The following ABCA12 variants were observed in gnomAD, a reference collection of about 807,000 sequenced individuals.
ABCA12 encodes glucosylceramide transporter ABCA12.
Under a neutral mutation model 293.5 loss-of-function variants are expected in ABCA12, and 156 were observed. The observed-to-expected ratio is 0.53, with a 90% CI of 0.47 to 0.61. The LOEUF (loss-of-function observed/expected upper bound fraction) is 0.61. ABCA12 is among the 20% of genes least tolerant of loss of function. The probability of loss-of-function intolerance (pLI) is 0.00; values close to 1 mark genes in which losing one functional copy is unlikely to be tolerated. For missense variants in ABCA12, 2,797 were observed against 3,090.2 expected, an observed-to-expected ratio of 0.91 and a Z score of 2.25; for synonymous variants, 1,063 against 1,108.0, an observed-to-expected ratio of 0.96 and a Z score of 0.81.
At chr2:215,029,613 C>A (rs1391894643) in intron 9 of ABCA12, among the ~76,000 whole-genome samples, 1 of 152,004 alleles carries the variant, frequency 6.6e-6, no homozygotes, top group African/African-American at 2.4e-5. Flanking sequence ...TAGAATTGAC[C>A]TTGATAAGGC....
intron 2 of ABCA12, among the ~76,000 whole-genome samples, chr2:215,083,486 G>T (rs1377501682): frequency 6.6e-6 from 1 of 152,140 alleles, no homozygotes; most frequent in African/African-American, 2.4e-5. Context: ...AGCATTGATT[G>T]CATTTGGGTA....
intron 2 of ABCA12, among the ~76,000 whole-genome samples, chr2:215,107,704 CA>C (rs1702491586): frequency 6.6e-6 from 1 of 152,178 alleles, no homozygotes; most frequent in South Asian, 2.1e-4. Context: ...TCCTTTACGT[CA>C]CTAATTATAT....
rs551370212 is a variant in ABCA12 at position 215,070,898 on chromosome 2, C to T, written c.164-6679G>A. On this transcript the variant is annotated intron_variant, in intron 2 of 52. Coordinates refer to ENST00000272895, the MANE Select transcript of ABCA12 (RefSeq NM_173076.3). ...AGACATTGGTTAAAAAATAAACCTT[C>T]GGCTAGGAGCAGAGGCTCACACCTA... Among the ~76,000 whole-genome samples, 6 of 152,122 alleles carry T rather than the reference C, an allele frequency of 3.9e-5. No individual in the cohort carries two copies. In the South Asian group the frequency reaches 6.2e-4, roughly 16 times the overall value.
At chr2:214,977,668 G>C (rs914027556) in intron 33 of ABCA12, among the ~76,000 whole-genome samples, 1 of 152,080 alleles carries the variant, frequency 6.6e-6, no homozygotes, top group South Asian at 2.1e-4. Flanking sequence ...CCACAAAGTC[G>C]TGTCAAGCAA....
intron 39 of ABCA12, among the ~76,000 whole-genome samples, chr2:214,964,993 T>C (rs992934442): frequency 6.6e-6 from 1 of 152,078 alleles, no homozygotes; most frequent in Non-Finnish European, 1.5e-5. Flanking sequence ...AAGGCTATAG[T>C]AATCAAAAAA....
chr2:215,075,917 C>T (rs980008988), intron 2 of ABCA12, among the ~76,000 whole-genome samples: 2 of 152,186 alleles, frequency 1.3e-5, no homozygotes, highest in African/African-American at 2.4e-5. Flanking sequence ...TTAGTCACTT[C>T]TTTAATTCAA....
At chr2:215,002,666 T>C (rs1359833040) in intron 20 of ABCA12, among the ~76,000 whole-genome samples, 1 of 152,144 alleles carries the variant, frequency 6.6e-6, no homozygotes, top group Non-Finnish European at 1.5e-5. Flanking sequence ...GATGTAGATG[T>C]TGGTGGGGGA....
intron 1 of ABCA12, among the ~76,000 whole-genome samples, chr2:215,126,330 G>T (rs981737818): frequency 1.3e-5 from 2 of 151,944 alleles, no homozygotes; most frequent in African/African-American, 4.8e-5. Flanking sequence ...AGGGGGTGGG[G>T]GTTCCTTCTT....
rs1249669507 is a variant in ABCA12, at chr2:215,031,903, T to G, written c.986-7A>C. On this transcript the variant is annotated splice_region_variant and splice_polypyrimidine_tract_variant and intron_variant, in intron 8 of 52. Coordinates refer to ENST00000272895, the MANE Select transcript of ABCA12 (RefSeq NM_173076.3). ...GTTATATTATCGGAGTCACCTGAAG[T>G]AATAATTTTTATATAGGTAAACATT... 6.2e-7 allele frequency: 1 copy of G among 1,613,358 alleles called. No individual in the cohort carries two copies. Among genetic ancestry groups the G allele is most frequent in the Non-Finnish European group, 8.5e-7 (1 of 1,179,766 alleles).
chr2:215,001,039 C>T lies in ABCA12; in HGVS notation c.2864-19G>A. The T allele has an allele frequency of 6.2e-7, 1 of 1,612,272 alleles. No individual in the cohort carries two copies. Among genetic ancestry groups the T allele is most frequent in the Non-Finnish European group, 8.5e-7 (1 of 1,178,858 alleles). On this transcript the variant is annotated intron_variant, in intron 21 of 52. Coordinates refer to ENST00000272895, the MANE Select transcript of ABCA12 (RefSeq NM_173076.3). ...ATAACACCTAAAAATAAAATGGCAA[C>T]AACAGCAGAAAGGTTATTTTATGGT...
At chr2:215,029,981 A>G (rs188691776) in intron 9 of ABCA12, among the ~76,000 whole-genome samples, 26 of 152,336 alleles carry the variant, frequency 1.7e-4, no homozygotes, top group Non-Finnish European at 3.4e-4. Context: ...ACCTTATACC[A>G]GTATTGCCAC....
intron 18 of ABCA12, among the ~76,000 whole-genome samples, chr2:215,009,098 G>C (rs1700316350): frequency 6.6e-6 from 1 of 152,104 alleles, no homozygotes; most frequent in Admixed American, 6.6e-5. Context: ...TGATAGATTG[G>C]ATAGAGAAAA....
At chr2:215,112,497 G>GGT (rs1553546992) in intron 1 of ABCA12, among the ~76,000 whole-genome samples, 7 of 125,610 alleles carry the variant, frequency 5.6e-5, no homozygotes, top group East Asian at 2.5e-4. Context: ...TTTTTTTTTT[G>GGT]TTTTTTTTTG....
chr2:215,110,001 A>T, intron 2 of ABCA12, among the ~76,000 whole-genome samples: 1 of 152,208 alleles, frequency 6.6e-6, no homozygotes, highest in Non-Finnish European at 1.5e-5. Flanking sequence ...ATGCTACTTA[A>T]GATATGTAGA....
At chr2:215,027,492 T>C (rs575238222) in intron 9 of ABCA12, among the ~76,000 whole-genome samples, 2 of 152,348 alleles carry the variant, frequency 1.3e-5, no homozygotes, top group South Asian at 4.1e-4. Context: ...TGTTTTAATA[T>C]GCCATCATAG....
chr2:215,119,764 C>CAA (rs111543621), intron 1 of ABCA12, among the ~76,000 whole-genome samples: 6 of 136,874 alleles, frequency 4.4e-5, no homozygotes, highest in African/African-American at 1.6e-4. Flanking sequence ...GAAAACAAAA[C>CAA]AAAAAAAAAC....
chr2:215,054,816 C>T, intron 3 of ABCA12, 152 bp from the exon 4 acceptor site: 1 of 637,422 alleles, frequency 1.6e-6, no homozygotes, highest in African/African-American at 1.8e-5. Context: ...CCTAACCACA[C>T]ACCAATGAAT....
At chr2:215,010,569 T>C in intron 17 of ABCA12, 99 bp from the exon 18 acceptor site, 1 of 1,317,434 alleles carries the variant, frequency 7.6e-7, no homozygotes, top group Non-Finnish European at 1.1e-6. Context: ...CACCCAAAAA[T>C]ACATGCTCTA....
rs116453252 is a variant in ABCA12, at chr2:215,015,344, G to T, written c.1956+146C>A. On this transcript the variant is annotated intron_variant, in intron 15 of 52. Transcript: ENST00000272895. ...AAAATTGCAATAAATGATCTCTAAG[G>T]TTGCATTTAGCTTTAACATAATGCA... 1.0e-5 allele frequency: 8 copies of T among 798,698 alleles called. No individual in the cohort carries two copies. The East Asian group carries it at 1.1e-4, about 11-fold the overall frequency. 49.5% of individuals were successfully genotyped at this position (798,698 alleles called of 1,614,324 possible). A position where few individuals can be genotyped will look rare whatever the true frequency, so the allele number is the denominator to read the frequency against.
Sources: allele counts gnomAD v4.1 joint callset (sites outside exome capture counted in the v4.1 genomes callset), GRCh38; gene constraint gnomAD v4.1.1; transcripts MANE v1.5; gene names NCBI Gene and HGNC (gene_info 2026-07-23, HGNC 2026-07-21).